SPIDR: variants seen among roughly 807,000 people sequenced by gnomAD.
SPIDR encodes scaffold protein involved in DNA repair.
Under a neutral mutation model 104.6 loss-of-function variants are expected in SPIDR, and 93 were observed. The observed-to-expected ratio is 0.89, with a 90% CI of 0.75 to 1.06. The LOEUF (loss-of-function observed/expected upper bound fraction) is 1.06. Among genes scored for constraint, SPIDR ranks in the 50% least tolerant of loss-of-function variants. The probability of loss-of-function intolerance (pLI) is 0.00; values close to 1 mark genes in which losing one functional copy is unlikely to be tolerated. For synonymous variants in SPIDR, 431 were observed against 416.9 expected (o/e 1.03, Z -0.41); for missense variants, 1,154 against 1,111.2 (o/e 1.04, Z -0.55).
chr8:47,654,436 C>G lies in SPIDR; in HGVS notation c.1545-19365C>G, dbSNP rs934784023. Among the ~76,000 whole-genome samples, 7 of 152,256 alleles carry G rather than the reference C, an allele frequency of 4.6e-5. No homozygotes were observed. The East Asian group carries it at 1.4e-3, about 29-fold the overall frequency. On this transcript the variant is annotated intron_variant, in intron 10 of 19. Coordinates refer to ENST00000297423, the MANE Select transcript of SPIDR (RefSeq NM_001080394.4). Reference sequence around the variant, plus strand: ...TTTTGAGACTCAGTGACTGGGAGAACAGTGGGGCATTCTTCAAGAGGGATC... The same window carrying G: ...TTTTGAGACTCAGTGACTGGGAGAAGAGTGGGGCATTCTTCAAGAGGGATC...
At chr8:47,393,615 CTTTTCTTTTCTTTTT>C (rs1554654011) in intron 5 of SPIDR, among the ~76,000 whole-genome samples, 3 of 151,834 alleles carry the variant, frequency 2.0e-5, no homozygotes, top group East Asian at 3.9e-4. Context: ...AAGCAAACCT[CTTTTCTTTTCTTTTT>C]TTTTCTTTTC....
At chr8:47,415,623 CTG>C (rs2064146347) in intron 7 of SPIDR, among the ~76,000 whole-genome samples, 1 of 152,166 alleles carries the variant, frequency 6.6e-6, no homozygotes, top group South Asian at 2.1e-4. Context: ...CATCCTTCCA[CTG>C]TGTGAGGAGG....
chr8:47,407,917 C>G lies in SPIDR; in HGVS notation c.833C>G (p.Ser278Cys), dbSNP rs1554668406. Residue 278 changes from serine to cysteine, a missense_variant, in exon 7 of 20, where the codon TCT becomes TGT. Coordinates refer to ENST00000297423, the MANE Select transcript of SPIDR (RefSeq NM_001080394.4). ...CAGAATCGAGAGAGATCTGCTATTTCTTTGTGGAGACATCAATGTATTTCT... is the reference window on the plus strand; with the variant it reads ...CAGAATCGAGAGAGATCTGCTATTTGTTTGTGGAGACATCAATGTATTTCT... ...GLQNRERSAI[S>C]LWRHQCISYQ... 1 of 1,605,258 alleles carries G rather than the reference C, an allele frequency of 6.2e-7. No individual in the cohort carries two copies. The highest frequency in any genetic ancestry group is 8.5e-7 in the Non-Finnish European group (1 of 1,174,382).
chr8:47,345,524 A>G (rs2051769492), intron 5 of SPIDR, among the ~76,000 whole-genome samples: 1 of 152,080 alleles, frequency 6.6e-6, no homozygotes, highest in African/African-American at 2.4e-5. Flanking sequence ...CTTGTTGGGG[A>G]TGGCATTGAA....
intron 8 of SPIDR, among the ~76,000 whole-genome samples, chr8:47,458,382 T>G (rs1012328226): frequency 1.4e-5 from 2 of 147,734 alleles, no homozygotes; most frequent in African/African-American, 5.1e-5. Context: ...TTTATTTTAT[T>G]TTATTTTATT....
At chr8:47,281,358 CT>C (rs2037744030) in intron 2 of SPIDR, among the ~76,000 whole-genome samples, 1 of 152,274 alleles carries the variant, frequency 6.6e-6, no homozygotes, top group Admixed American at 6.5e-5. Flanking sequence ...TTTACTATTC[CT>C]TTCATGAAAG....
intron 11 of SPIDR, among the ~76,000 whole-genome samples, chr8:47,689,499 A>G (rs558328228): frequency 6.6e-6 from 1 of 152,354 alleles, no homozygotes; most frequent in Admixed American, 6.5e-5. Flanking sequence ...AGGAGCTTGA[A>G]GCTCATCAGG....
intron 8 of SPIDR, among the ~76,000 whole-genome samples, chr8:47,589,018 G>A (rs1276446428): frequency 1.8e-5 from 2 of 108,564 alleles, no homozygotes; most frequent in East Asian, 2.7e-4. Flanking sequence ...TTGGTTTATA[G>A]TTTGTTTTTT....
intron 16 of SPIDR, among the ~76,000 whole-genome samples, chr8:47,724,163 C>A (rs2083860130): frequency 6.6e-6 from 1 of 152,158 alleles, no homozygotes; most frequent in Non-Finnish European, 1.5e-5. Flanking sequence ...TCTACAGCTG[C>A]CCTGCAGGCC....
At chr8:47,278,442 C>T (rs2037043476) in intron 1 of SPIDR, among the ~76,000 whole-genome samples, 1 of 152,006 alleles carries the variant, frequency 6.6e-6, no homozygotes, top group African/African-American at 2.4e-5. Context: ...ACCACAGCCT[C>T]CCAAGTTGCT....
intron 6 of SPIDR, among the ~76,000 whole-genome samples, chr8:47,402,190 G>A (rs1277281643): frequency 1.3e-5 from 2 of 152,110 alleles, no homozygotes; most frequent in Admixed American, 6.6e-5. Flanking sequence ...GAATCTCTGG[G>A]ACACATTTAA....
At chr8:47,459,938 A>G (rs2073664341) in intron 8 of SPIDR, among the ~76,000 whole-genome samples, 1 of 152,028 alleles carries the variant, frequency 6.6e-6, no homozygotes, top group Non-Finnish European at 1.5e-5. Flanking sequence ...ATGTATTTGC[A>G]TGGTTTTGAA....
chr8:47,278,955 C>T (rs1387821287), intron 1 of SPIDR, among the ~76,000 whole-genome samples: 1 of 151,740 alleles, frequency 6.6e-6, no homozygotes, highest in Non-Finnish European at 1.5e-5. Context: ...GTGGTGCAGT[C>T]AGCTCACTGC....
intron 8 of SPIDR, among the ~76,000 whole-genome samples, chr8:47,542,049 A>G (rs559841405): frequency 1.2e-4 from 19 of 152,326 alleles, no homozygotes; most frequent in African/African-American, 4.6e-4. Context: ...AATCAGTTAA[A>G]CACATGCACT....
At chr8:47,415,166 G>T (rs1432110382) in intron 7 of SPIDR, among the ~76,000 whole-genome samples, 3 of 152,158 alleles carry the variant, frequency 2.0e-5, no homozygotes, top group South Asian at 4.1e-4. Flanking sequence ...GCCTCCCAGA[G>T]TGCTGGGATT....
chr8:47,735,005 C>G (rs1003072807), intron 19 of SPIDR, among the ~76,000 whole-genome samples: 1 of 152,194 alleles, frequency 6.6e-6, no homozygotes, highest in Non-Finnish European at 1.5e-5. Context: ...GCCTTCCCAG[C>G]AGAGTCTGTG....
At chr8:47,478,143 C>T (rs1355032713) in intron 8 of SPIDR, among the ~76,000 whole-genome samples, 1 of 152,168 alleles carries the variant, frequency 6.6e-6, no homozygotes, top group African/African-American at 2.4e-5. Context: ...AGAGGACACG[C>T]ATCAGGTCTG....
Position 47,370,987 on chromosome 8 carries a change from G to C in SPIDR, c.526-25389G>C, listed in dbSNP as rs533042776. On this transcript the variant is annotated intron_variant, in intron 5 of 19. Transcript: ENST00000297423. ...ATCCCCCCATGCTAACTGCAGTCCA[G>C]CTTCTGCCTCTGACCTCCACTGTGC... is the stretch of plus-strand genomic sequence containing the variant. Among the ~76,000 whole-genome samples, 14 of 152,012 alleles carry C rather than the reference G, an allele frequency of 9.2e-5. No homozygotes were observed. The South Asian group carries it at 2.9e-3, about 32-fold the overall frequency.
At chr8:47,712,316 A>G (rs575090466) in intron 14 of SPIDR, among the ~76,000 whole-genome samples, 4 of 152,334 alleles carry the variant, frequency 2.6e-5, no homozygotes, top group Admixed American at 1.3e-4. Context: ...AATAATATGT[A>G]TGTACTACAC....
Sources: gnomAD v4.1 joint callset for allele counts (sites outside exome capture counted in the v4.1 genomes callset) on GRCh38, gnomAD v4.1.1 for gene constraint, MANE v1.5 for transcripts, NCBI Gene and HGNC (gene_info 2026-07-23, HGNC 2026-07-21) for gene names.